TBC1D19: variants seen among roughly 807,000 people sequenced by gnomAD.
The protein encoded by TBC1D19 is TBC1 domain family, member 19.
In TBC1D19, 60 loss-of-function variants were observed where a neutral mutation model predicts 89.0. That is an observed-to-expected ratio of 0.67 (90% CI 0.55 to 0.84). The LOEUF (loss-of-function observed/expected upper bound fraction) is 0.84, where lower values mean the gene tolerates loss of function less well. Among genes scored for constraint, TBC1D19 ranks in the 40% least tolerant of loss-of-function variants. The probability of loss-of-function intolerance (pLI) is 0.00; values close to 1 mark genes in which losing one functional copy is unlikely to be tolerated. For synonymous variants in TBC1D19, 189 were observed against 199.7 expected (o/e 0.95, Z 0.45); for missense variants, 500 against 610.8 (o/e 0.82, Z 1.91).
intron 11 of TBC1D19, 78 bp from the exon 12 acceptor site, chr4:26,683,597 A>T: frequency 3.5e-6 from 4 of 1,142,934 alleles, no homozygotes; most frequent in Non-Finnish European, 5.1e-6. Context: ...TGTTTAGAAT[A>T]CTATTATTAT....
chr4:26,705,057 ATATATC>A (rs1715636114), intron 13 of TBC1D19, among the ~76,000 whole-genome samples: 2 of 152,174 alleles, frequency 1.3e-5, no homozygotes. Context: ...TTAACCATTT[ATATATC>A]TACTCAGGAA....
At chr4:26,602,476 C>G (rs1319992394) in intron 1 of TBC1D19, among the ~76,000 whole-genome samples, 1 of 116,218 alleles carries the variant, frequency 8.6e-6, no homozygotes, top group Non-Finnish European at 1.6e-5. Flanking sequence ...GAGACTTGCT[C>G]TGTCACCCAG....
the TBC1D19 span, among the ~76,000 whole-genome samples, chr4:26,777,958 A>G: frequency 6.6e-6 from 1 of 152,020 alleles, no homozygotes; most frequent in Non-Finnish European, 1.5e-5. Context: ...CAGTGGTCCA[A>G]GCTACTGAGG....
At chr4:26,643,431 G>T (rs577809471) in intron 7 of TBC1D19, among the ~76,000 whole-genome samples, 1 of 152,178 alleles carries the variant, frequency 6.6e-6, no homozygotes, top group Non-Finnish European at 1.5e-5. Flanking sequence ...AAAGCAGTGC[G>T]TAGGGGGAAA....
chr4:26,850,617 G>C, the TBC1D19 span, among the ~76,000 whole-genome samples: 2 of 150,190 alleles, frequency 1.3e-5, no homozygotes, highest in Non-Finnish European at 2.9e-5. Flanking sequence ...CATGCAGGAA[G>C]ATGATGTAGG....
At chr4:26,608,381 T>C (rs189854313) in intron 1 of TBC1D19, among the ~76,000 whole-genome samples, 1 of 152,304 alleles carries the variant, frequency 6.6e-6, no homozygotes, top group Non-Finnish European at 1.5e-5. Context: ...ATTGTTCTTA[T>C]TGTTTGGTAA....
chr4:26,670,577 G>C (rs757537911), intron 9 of TBC1D19, among the ~76,000 whole-genome samples: 1 of 151,500 alleles, frequency 6.6e-6, no homozygotes, highest in South Asian at 2.1e-4. Context: ...AACTTTTATA[G>C]AAGTACAACA....
chr4:26,794,389 A>G, the TBC1D19 span, among the ~76,000 whole-genome samples: 14 of 152,300 alleles, frequency 9.2e-5, no homozygotes, highest in Non-Finnish European at 1.6e-4. Context: ...AAAATAAACT[A>G]TTTGAAAAGA....
chr4:26,653,702 CT>C (rs1329724727), intron 7 of TBC1D19, among the ~76,000 whole-genome samples: 1 of 151,966 alleles, frequency 6.6e-6, no homozygotes, highest in Non-Finnish European at 1.5e-5. Context: ...CAACCCCTGC[CT>C]TTTTTTGTTT....
At position 26,710,348 on chromosome 4, in the gene TBC1D19, A is replaced by C. The variant is rs1388810310; in HGVS notation, c.955-7585A>C. On this transcript the variant is annotated intron_variant, in intron 13 of 20. Transcript: ENST00000264866. Reference sequence around the variant, plus strand: ...TTTCTAGCTTCATCCATGTCCCTACAAAGGACATGAACTCATCATTTTTTA... The same window carrying C: ...TTTCTAGCTTCATCCATGTCCCTACCAAGGACATGAACTCATCATTTTTTA... Among the ~76,000 whole-genome samples, 5 of 152,314 alleles carry C rather than the reference A, an allele frequency of 3.3e-5. No homozygotes were observed. The East Asian group carries it at 9.6e-4, about 29-fold the overall frequency.
intron 13 of TBC1D19, among the ~76,000 whole-genome samples, chr4:26,705,006 C>G (rs1560485108): frequency 6.6e-6 from 1 of 151,760 alleles, no homozygotes; most frequent in Admixed American, 6.6e-5. Context: ...ATTTGCATTT[C>G]CCTAATGATT....
At chr4:26,768,517 A>G in the TBC1D19 span, among the ~76,000 whole-genome samples, 2 of 152,232 alleles carry the variant, frequency 1.3e-5, no homozygotes, top group African/African-American at 2.4e-5. Flanking sequence ...ATAAATCAAA[A>G]GGGACTGTAA....
chr4:26,856,188 A>C, the TBC1D19 span, among the ~76,000 whole-genome samples: 26 of 151,810 alleles, frequency 1.7e-4, no homozygotes, highest in African/African-American at 6.3e-4. Flanking sequence ...TATGAGATGA[A>C]CTTTTTTTTA....
intron 16 of TBC1D19, among the ~76,000 whole-genome samples, chr4:26,735,878 T>G (rs1286830985): frequency 6.6e-6 from 1 of 151,460 alleles, no homozygotes; most frequent in Non-Finnish European, 1.5e-5. Flanking sequence ...ATGGCAATCA[T>G]TAAAAAGTCA....
chr4:26,823,253 A>ATGTTCTTGATTC, the TBC1D19 span, among the ~76,000 whole-genome samples: 1 of 152,102 alleles, frequency 6.6e-6, no homozygotes, highest in Non-Finnish European at 1.5e-5. Context: ...GAACAGCGGG[A>ATGTTCTTGATTC]AAGACCTGCC....
the TBC1D19 span, among the ~76,000 whole-genome samples, chr4:26,811,104 C>T: frequency 6.6e-6 from 1 of 152,120 alleles, no homozygotes; most frequent in Non-Finnish European, 1.5e-5. Context: ...TGGAACCAAC[C>T]CAAATGACCA....
At chr4:26,629,603 A>G (rs1742664404) in intron 4 of TBC1D19, among the ~76,000 whole-genome samples, 1 of 152,112 alleles carries the variant, frequency 6.6e-6, no homozygotes, top group Non-Finnish European at 1.5e-5. Context: ...AGAACCTTGT[A>G]TAAAGAATCA....
intron 12 of TBC1D19, among the ~76,000 whole-genome samples, chr4:26,686,315 C>T (rs1174559008): frequency 3.3e-5 from 5 of 151,926 alleles, no homozygotes; most frequent in African/African-American, 9.7e-5. Context: ...AAGTAGCAAT[C>T]GGGGAGGATG....
chr4:26,801,812 A>C, the TBC1D19 span, among the ~76,000 whole-genome samples: 4 of 152,206 alleles, frequency 2.6e-5, no homozygotes, highest in African/African-American at 9.6e-5. Flanking sequence ...CGCATATGTG[A>C]AAAGAGGTTC....
Sources: allele counts gnomAD v4.1 joint callset (sites outside exome capture counted in the v4.1 genomes callset), GRCh38; gene constraint gnomAD v4.1.1; transcripts MANE v1.5; gene names NCBI Gene and HGNC (gene_info 2026-07-23, HGNC 2026-07-21).